Variants in HS6ST2 observed in about 807,000 individuals in gnomAD.
HS6ST2 encodes the protein heparan-sulfate 6-O-sulfotransferase 2.
HS6ST2 carries 17 observed loss-of-function variants against 33.0 expected under a neutral mutation model. The observed-to-expected ratio is 0.52, with a 90% CI of 0.35 to 0.77. HS6ST2 has a LOEUF of 0.77. Among genes scored for constraint, HS6ST2 ranks in the 30% least tolerant of loss-of-function variants. The probability of loss-of-function intolerance (pLI) is 0.01; values close to 1 mark genes in which losing one functional copy is unlikely to be tolerated. For missense variants in HS6ST2, 519 were observed against 551.7 expected, an observed-to-expected ratio of 0.94 and a Z score of 0.59; for synonymous variants, 248 against 237.1, an observed-to-expected ratio of 1.05 and a Z score of -0.42.
chrX:132,933,549 GA>G (rs1334617891), intron 2 of HS6ST2, among the ~76,000 whole-genome samples: 1 of 108,879 alleles, frequency 9.2e-6, no homozygotes, highest in African/African-American at 3.3e-5. Context: ...AAACAGAAAA[GA>G]AAAAAAAATC....
At chrX:132,723,492 T>C (rs768926127) in intron 2 of HS6ST2, among the ~76,000 whole-genome samples, 7 of 112,139 alleles carry the variant, frequency 6.2e-5, no homozygotes, top group Non-Finnish European at 1.3e-4. Context: ...GTGAGAAATA[T>C]CCTGTGGATG....
At chrX:132,895,240 A>C (rs2066362726) in intron 2 of HS6ST2, among the ~76,000 whole-genome samples, 1 of 111,917 alleles carries the variant, frequency 8.9e-6, no homozygotes, top group Non-Finnish European at 1.9e-5. Flanking sequence ...GTGTTCGTTA[A>C]TCTTACCATG....
At chrX:132,705,741 G>A (rs2064184442) in intron 3 of HS6ST2, among the ~76,000 whole-genome samples, 1 of 111,801 alleles carries the variant, frequency 8.9e-6, no homozygotes, top group Non-Finnish European at 1.9e-5. Flanking sequence ...GCAGCGCCAG[G>A]ATTGGACCCG....
intron 2 of HS6ST2, among the ~76,000 whole-genome samples, chrX:132,829,199 T>TATATATATATATATATATATATACACAC (rs55664940): frequency 8.2e-5 from 6 of 73,291 alleles, no homozygotes; most frequent in Middle Eastern, 8.5e-3. Flanking sequence ...TATATATATA[T>TATATATATATATATATATATATACACAC]ACATACTTAT....
intron 4 of HS6ST2, among the ~76,000 whole-genome samples, chrX:132,664,897 G>C (rs2063798409): frequency 8.9e-6 from 1 of 111,925 alleles, no homozygotes; most frequent in Non-Finnish European, 1.9e-5. Flanking sequence ...GTGTCTGTTT[G>C]TCTATCTACC....
chrX:132,946,922 T>C (rs1388769038), intron 2 of HS6ST2, among the ~76,000 whole-genome samples: 1 of 111,757 alleles, frequency 8.9e-6, no homozygotes, highest in Non-Finnish European at 1.9e-5. Context: ...ACCTAAGTCT[T>C]GGAGTTCTTC....
rs1310621036 is a variant in HS6ST2, at chrX:132,627,916, T to C, written c.*307A>G. 1.8e-5 allele frequency: 3 copies of C among 170,798 alleles called. No homozygotes were observed. Among genetic ancestry groups the C allele is most frequent in the Non-Finnish European group, 3.3e-5 (3 of 90,534 alleles). 14.1% of individuals were successfully genotyped at this position (170,798 alleles called of 1,213,427 possible). On this transcript the variant is annotated 3_prime_UTR_variant, in exon 5 of 5. Transcript: ENST00000370833. ...GGTCACATTTTATGTTTTCACTTTG[T>C]CTCCATAACTAATTTAAGAACTTCT...
intron 2 of HS6ST2, among the ~76,000 whole-genome samples, chrX:132,750,049 T>TG (rs1365766161): frequency 4.6e-5 from 5 of 109,197 alleles, no homozygotes; most frequent in Admixed American, 2.0e-4. Context: ...TTAACCGGGG[T>TG]GGGGGGCCTA....
At chrX:132,850,731 T>TACACACAC (rs111520127) in intron 2 of HS6ST2, among the ~76,000 whole-genome samples, 50,356 of 105,243 alleles carry the variant, frequency 0.48, 9,369 homozygotes, top group African/African-American at 0.54. Flanking sequence ...TTTCTACATC[T>TACACACAC]ACACACACAC....
At chrX:132,747,822 G>T (rs1179736297) in intron 2 of HS6ST2, among the ~76,000 whole-genome samples, 1 of 110,924 alleles carries the variant, frequency 9.0e-6, no homozygotes, top group Non-Finnish European at 1.9e-5. Context: ...ACCAGAGGAT[G>T]CTGCTTCTTG....
Position 132,777,007 on chromosome X carries a change from G to A in HS6ST2, c.948-68513C>T, listed in dbSNP as rs754350137. ...TTACACCAGTGGTTTGCAGTAGGAG[G>A]CGATTTTGCATCACAGAGGAAATGG... On this transcript the variant is annotated intron_variant, in intron 2 of 4. Transcript: ENST00000370833. Among the ~76,000 whole-genome samples, 99 of 106,920 alleles carry A rather than the reference G, an allele frequency of 9.3e-4. 1 individual carries two copies. Among genetic ancestry groups the A allele is most frequent in the Middle Eastern group, 9.2e-3 (2 of 217 alleles). 92.8% of individuals were successfully genotyped at this position (106,920 alleles called of 115,157 possible).
chrX:132,638,452 CAG>C (rs1415229826), intron 4 of HS6ST2, among the ~76,000 whole-genome samples: 6 of 111,506 alleles, frequency 5.4e-5, no homozygotes, highest in African/African-American at 2.0e-4. Context: ...TACTTTGAAG[CAG>C]ACAGACGTGC....
In HS6ST2 at chrX:132,956,989, A is replaced by G; in HGVS notation, c.766T>C (p.Cys256Arg). 8.3e-7 allele frequency: 1 copy of G among 1,211,359 alleles called. No individual in the cohort carries two copies. The highest frequency in any genetic ancestry group is 1.1e-6 in the Non-Finnish European group (1 of 895,192). The change falls in exon 2 of 5, where the codon TGC becomes CGC. Residue 256 changes from cysteine (C) to arginine (R), a missense_variant. By Grantham distance (180) the Cys-to-Arg change is radical. Transcript: ENST00000370833. ...TTCTTCTGACCCACGCGGCACTCGC[A>G]CGGCTGCTCCAGCTGGATGTTACGC... ...LVRNIQLEQP[C>R]ECRVGQKKCT...
At chrX:132,864,457 A>G (rs940981749) in intron 2 of HS6ST2, among the ~76,000 whole-genome samples, 5 of 107,618 alleles carry the variant, frequency 4.6e-5, no homozygotes, top group Middle Eastern at 4.3e-3. Flanking sequence ...CGAAGGATAC[A>G]CAAGTATAAA....
chrX:132,849,966 A>G (rs377024840), intron 2 of HS6ST2, among the ~76,000 whole-genome samples: 30 of 112,252 alleles, frequency 2.7e-4, no homozygotes, highest in African/African-American at 9.4e-4. Context: ...GACCAAGATC[A>G]CATAGCATGA....
chrX:132,755,563 T>C (rs2064750757), intron 2 of HS6ST2, among the ~76,000 whole-genome samples: 1 of 111,300 alleles, frequency 9.0e-6, no homozygotes, highest in Non-Finnish European at 1.9e-5. Context: ...ATTCTGTATA[T>C]AAAGTTTAAC....
chrX:132,766,137 A>G (rs765136699), intron 2 of HS6ST2, among the ~76,000 whole-genome samples: 6 of 112,161 alleles, frequency 5.3e-5, no homozygotes, highest in African/African-American at 1.9e-4. Flanking sequence ...CCCAAGGTGA[A>G]ACTAATTCAA....
intron 3 of HS6ST2, among the ~76,000 whole-genome samples, chrX:132,695,897 G>A (rs2064101059): frequency 8.9e-6 from 1 of 111,973 alleles, no homozygotes; most frequent in African/African-American, 3.2e-5. Context: ...ACAAGAATAT[G>A]CATGGTAGGT....
Position 132,867,046 on chromosome X carries a change from C to T in HS6ST2, c.947+89762G>A, listed in dbSNP as rs1374858513. On this transcript the variant is annotated intron_variant, in intron 2 of 4. Transcript: ENST00000370833. ...ATAGGAGTGGTGAGAGAGGGCATCCCTGTCTTGTGTCAGTTTTCAAAGGGA... is the reference window on the plus strand; with the variant it reads ...ATAGGAGTGGTGAGAGAGGGCATCCTTGTCTTGTGTCAGTTTTCAAAGGGA... Among the ~76,000 whole-genome samples, 9 of 82,700 alleles carry T rather than the reference C, an allele frequency of 1.1e-4. 1 individual carries two copies. The highest frequency in any genetic ancestry group is 2.1e-4 in the Non-Finnish European group (9 of 42,919). 71.8% of individuals were successfully genotyped at this position (82,700 alleles called of 115,157 possible). A position where few individuals can be genotyped will look rare whatever the true frequency, so the allele number is the denominator to read the frequency against.
Sources: allele counts gnomAD v4.1 joint callset (sites outside exome capture counted in the v4.1 genomes callset), GRCh38; gene constraint gnomAD v4.1.1; transcripts MANE v1.5; gene names NCBI Gene and HGNC (gene_info 2026-07-23, HGNC 2026-07-21).